The following VIT variants were observed in gnomAD, a reference collection of about 807,000 sequenced individuals.
VIT encodes vitrin.
Under a neutral mutation model 78.0 loss-of-function variants are expected in VIT, and 99 were observed. The ratio of observed to expected loss-of-function variants is 1.27; its 90% confidence interval spans 1.08 to 1.50. The LOEUF is 1.50. VIT is among the 40% of genes most tolerant of loss of function. The pLI is 0.00. For missense variants in VIT, 1,126 were observed against 875.3 expected (o/e 1.29, Z -3.61); for synonymous variants, 374 against 334.3 (o/e 1.12, Z -1.29).
chr2:36,779,759 A>G (rs1664614876), intron 9 of VIT, among the ~76,000 whole-genome samples: 1 of 152,232 alleles, frequency 6.6e-6, no homozygotes, highest in Non-Finnish European at 1.5e-5. Flanking sequence ...TATCTATGAG[A>G]TGACCAAGCA....
chr2:36,717,161 C>T (rs2148451444), intron 2 of VIT, among the ~76,000 whole-genome samples: 1 of 150,680 alleles, frequency 6.6e-6, no homozygotes, highest in East Asian at 2.0e-4. Context: ...AGGCGTGAGC[C>T]ACCACGCCCG....
At chr2:36,766,898 G>C (rs1173414928) in intron 6 of VIT, among the ~76,000 whole-genome samples, 196 bp from the exon 7 acceptor site, 1 of 152,162 alleles carries the variant, frequency 6.6e-6, no homozygotes, top group African/African-American at 2.4e-5. Context: ...TGAATCTTTG[G>C]TTGATTGAGT....
At position 36,708,211 on chromosome 2, in the gene VIT, G is replaced by T. The variant is rs566853077; in HGVS notation, c.-18-8142G>T. Among the ~76,000 whole-genome samples, 358 of 151,740 alleles carry T rather than the reference G, an allele frequency of 2.4e-3. 2 individuals carry two copies. Among genetic ancestry groups the T allele is most frequent in the Non-Finnish European group, 3.9e-3 (268 of 67,978 alleles). ...GGAGGCTTTACGGTCAGGCAGAGAT[G>T]AAGAAAGCAAGGCTGCAGATGTGGC... On this transcript the variant is annotated intron_variant, in intron 1 of 15. Coordinates refer to ENST00000379242, the MANE Select transcript of VIT (RefSeq NM_053276.4).
At chr2:36,748,361 C>A (rs1308229834) in intron 4 of VIT, among the ~76,000 whole-genome samples, 2 of 152,204 alleles carry the variant, frequency 1.3e-5, no homozygotes, top group Non-Finnish European at 1.5e-5. Context: ...CTCAGGAAGG[C>A]CAATGAGTCA....
chr2:36,763,107 C>T (rs561247012), intron 6 of VIT, among the ~76,000 whole-genome samples: 1 of 152,308 alleles, frequency 6.6e-6, no homozygotes, highest in South Asian at 2.1e-4. Context: ...ATGGGAAAAA[C>T]CTCTTCTGCC....
intron 3 of VIT, among the ~76,000 whole-genome samples, chr2:36,739,184 T>C (rs967538275): frequency 6.6e-6 from 1 of 152,066 alleles, no homozygotes; most frequent in Non-Finnish European, 1.5e-5. Context: ...ATTAAAAAAA[T>C]AAAAATAATA....
chr2:36,775,149 A>G (rs1669977663), intron 9 of VIT, 82 bp downstream of exon 9: 1 of 1,522,458 alleles, frequency 6.6e-7, no homozygotes, highest in Non-Finnish European at 9.0e-7. Context: ...CTCCCCACAC[A>G]CTTGTTCTTG....
In VIT at chr2:36,741,606, A is replaced by G. The variant is rs532715618; in HGVS notation, c.119-1494A>G. Among the ~76,000 whole-genome samples the G allele has an allele frequency of 2.8e-4, 42 of 152,300 alleles. 2 individuals carry two copies. The South Asian group carries it at 8.7e-3, about 32-fold the overall frequency. ...GAATATGCTTTTTGGATACAGCTGG[A>G]AGCCATTAGCAACTCTGAGACCATC... On this transcript the variant is annotated intron_variant, in intron 3 of 15. Coordinates refer to ENST00000379242, the MANE Select transcript of VIT (RefSeq NM_053276.4).
intron 13 of VIT, among the ~76,000 whole-genome samples, chr2:36,804,705 C>T (rs1666578928): frequency 6.6e-6 from 1 of 152,148 alleles, no homozygotes; most frequent in Non-Finnish European, 1.5e-5. Context: ...TGGTGCGTGC[C>T]TGTAGTCCCA....
At chr2:36,795,377 TTATTTTA>T (rs1665812805) in intron 12 of VIT, among the ~76,000 whole-genome samples, 1 of 148,212 alleles carries the variant, frequency 6.7e-6, no homozygotes, top group Admixed American at 6.7e-5. Context: ...TTATTTTATT[TTATTTTA>T]TATTTTATTT....
At chr2:36,767,025 T>C in intron 6 of VIT, 69 bp from the exon 7 acceptor site, 1 of 1,423,826 alleles carries the variant, frequency 7.0e-7, no homozygotes, top group Non-Finnish European at 9.3e-7. Context: ...CAACATTTAT[T>C]TTATTTCTAG....
At chr2:36,776,549 C>T (rs1325436686) in intron 9 of VIT, among the ~76,000 whole-genome samples, 3 of 152,038 alleles carry the variant, frequency 2.0e-5, no homozygotes, top group Non-Finnish European at 2.9e-5. Flanking sequence ...GCCGGTAATC[C>T]CAGCACTTTG....
At chr2:36,790,151 C>A (rs1665386280) in intron 12 of VIT, among the ~76,000 whole-genome samples, 1 of 152,144 alleles carries the variant, frequency 6.6e-6, no homozygotes. Context: ...CAAAATGCAA[C>A]ACATCTTGAC....
At chr2:36,724,522 G>T (rs996700293) in intron 2 of VIT, among the ~76,000 whole-genome samples, 3 of 152,174 alleles carry the variant, frequency 2.0e-5, no homozygotes, top group Non-Finnish European at 4.4e-5. Context: ...TTCCAGTGTA[G>T]CAAGAGGGGG....
chr2:36,749,353 G>A (rs1668322558), intron 4 of VIT, among the ~76,000 whole-genome samples: 1 of 152,164 alleles, frequency 6.6e-6, no homozygotes, highest in Admixed American at 6.6e-5. Flanking sequence ...CAGGAAGGAA[G>A]ACAGGAGGCA....
At chr2:36,767,461 A>G (rs1213511497) in intron 7 of VIT, among the ~76,000 whole-genome samples, 176 bp downstream of exon 7, 2 of 152,232 alleles carry the variant, frequency 1.3e-5, no homozygotes, top group African/African-American at 4.8e-5. Context: ...GTAGATTCAA[A>G]AATAAGACTG....
At chr2:36,810,066 C>T (rs1485724044) in intron 15 of VIT, among the ~76,000 whole-genome samples, 8 of 148,392 alleles carry the variant, frequency 5.4e-5, no homozygotes, top group South Asian at 4.3e-4. Context: ...CTGAGGCGGG[C>T]GGATCACCCG....
chr2:36,717,807 G>A (rs1035140910), intron 2 of VIT, among the ~76,000 whole-genome samples: 1 of 152,114 alleles, frequency 6.6e-6, no homozygotes, highest in East Asian at 1.9e-4. Flanking sequence ...ACAAAACACC[G>A]CAATCTGGGT....
chr2:36,765,022 G>GA (rs1262523363), intron 6 of VIT, among the ~76,000 whole-genome samples: 1 of 151,992 alleles, frequency 6.6e-6, no homozygotes, highest in African/African-American at 2.4e-5. Flanking sequence ...GTGGTAGGCT[G>GA]AAAAACACCC....
Sources: gnomAD v4.1 joint callset for allele counts (sites outside exome capture counted in the v4.1 genomes callset) on GRCh38, gnomAD v4.1.1 for gene constraint, MANE v1.5 for transcripts, NCBI Gene and HGNC (gene_info 2026-07-23, HGNC 2026-07-21) for gene names.